The following DNAJB12 variants were observed in gnomAD, a reference collection of about 807,000 sequenced individuals.
DNAJB12 encodes the protein dnaJ homolog subfamily B member 12.
DNAJB12 carries 14 observed loss-of-function variants against 40.6 expected under a neutral mutation model. The ratio of observed to expected loss-of-function variants is 0.34; its 90% CI spans 0.23 to 0.54. The LOEUF is 0.54. DNAJB12 is among the 20% of genes least tolerant of loss of function. The pLI is 0.92. For synonymous variants in DNAJB12, 181 were observed against 199.5 expected, an observed-to-expected ratio of 0.91 and a Z score of 0.78; for missense variants, 444 against 501.7, an observed-to-expected ratio of 0.89 and a Z score of 1.10.
chr10:72,350,972 TCCTGTGGGCTGG>T (rs1239178121), intron 1 of DNAJB12, among the ~76,000 whole-genome samples: 1 of 152,136 alleles, frequency 6.6e-6, no homozygotes, highest in African/African-American at 2.4e-5. Flanking sequence ...CGTCTCCTTT[TCCTGTGGGCTGG>T]CCTTCCCAGC....
At chr10:72,336,924 C>T (rs751981544) in intron 6 of DNAJB12, 72 of 429,854 alleles carry the variant, frequency 1.7e-4, no homozygotes, top group Non-Finnish European at 2.4e-4. Flanking sequence ...TAGATCCCTG[C>T]TTACCACACT....
At position 72,346,124 on chromosome 10, in the gene DNAJB12, T is replaced by A. The variant is rs188478812; in HGVS notation, c.134-997A>T. ...TCTTCCAAAAGCACACTTGGTTTTA[T>A]TAATAAACCCTATAGTACTTTATTT... On this transcript the variant is annotated intron_variant, in intron 1 of 8. Transcript: ENST00000444643. Among the ~76,000 whole-genome samples the A allele has an allele frequency of 5.1e-3, 782 of 152,312 alleles. 6 individuals carry two copies. The highest frequency in any genetic ancestry group is 0.017 in the African/African-American group (711 of 41,574).
At chr10:72,354,444 AGT>A in intron 1 of DNAJB12, 4 of 318,946 alleles carry the variant, frequency 1.3e-5, no homozygotes, top group South Asian at 1.1e-4. Context: ...CCTTGGGAAA[AGT>A]AGTTCGAGTT....
At chr10:72,346,890 G>T (rs543154038) in intron 1 of DNAJB12, among the ~76,000 whole-genome samples, 1 of 151,360 alleles carries the variant, frequency 6.6e-6, no homozygotes, top group Non-Finnish European at 1.5e-5. Flanking sequence ...CTGCAAATAT[G>T]TTTGCATTGC....
intron 1 of DNAJB12, among the ~76,000 whole-genome samples, chr10:72,349,373 A>G (rs1487032327): frequency 6.6e-6 from 1 of 152,150 alleles, no homozygotes; most frequent in Non-Finnish European, 1.5e-5. Flanking sequence ...TCCAAGGCTC[A>G]GGAAGGCAAA....
rs1424341700 is a variant in DNAJB12 at position 72,332,922 on chromosome 10, GTT to G, written c.*1724_*1725del. The G allele has an allele frequency of 6.6e-6, 1 of 152,638 alleles. No homozygotes were observed. The highest frequency in any genetic ancestry group is 1.5e-5 in the Non-Finnish European group (1 of 68,042). The allele number at this position is 152,638 out of a possible 1,614,324, so 9.5% of individuals were successfully genotyped here. ...TTCCAGAGGATCCTTTAGGATCTATGTTCTTATTGCACATGGCTCAGCCCGTC... is the reference window on the plus strand; with the variant it reads ...TTCCAGAGGATCCTTTAGGATCTATGCTTATTGCACATGGCTCAGCCCGTC... On this transcript the variant is annotated 3_prime_UTR_variant, in exon 9 of 9. Transcript: ENST00000444643.
chr10:72,351,718 C>T (rs992404998), intron 1 of DNAJB12, among the ~76,000 whole-genome samples: 8 of 152,244 alleles, frequency 5.3e-5, no homozygotes, highest in African/African-American at 1.9e-4. Flanking sequence ...GCAACTTTCT[C>T]TCCATGGTCT....
chr10:72,343,586 G>A (rs1379342091), intron 2 of DNAJB12, 75 bp from the exon 3 acceptor site: 2 of 1,532,676 alleles, frequency 1.3e-6, no homozygotes, highest in East Asian at 4.5e-5. Flanking sequence ...CAGGCCGTGT[G>A]GGGCGCACAG....
At chr10:72,338,354 G>A in intron 5 of DNAJB12, 43 bp from the exon 6 acceptor site, 1 of 1,568,904 alleles carries the variant, frequency 6.4e-7, no homozygotes, top group Non-Finnish European at 8.8e-7. Flanking sequence ...CCTGGGTGGG[G>A]TGTGGTGTCA....
chr10:72,354,880 A>C lies in DNAJB12; in HGVS notation c.18T>G (p.Asp6Glu), dbSNP rs748223059. 6.2e-7 allele frequency: 1 copy of C among 1,614,058 alleles called. No individual in the cohort carries two copies. Among genetic ancestry groups the C allele is most frequent in the Non-Finnish European group, 8.5e-7 (1 of 1,179,940 alleles). The change falls in exon 1 of 9, where the codon GAT (aspartate) becomes GAG (glutamate). Residue 6 changes from aspartate (D) to glutamate (E), a missense_variant. By Grantham distance (45) the Asp-to-Glu change is conservative. Transcript: ENST00000444643. Reference sequence around the variant, plus strand: ...CGATGCTGATACAGCGCTCAGCTTCATCCTTGTTGGATTCCATGGCGGAAC... The same window carrying C: ...CGATGCTGATACAGCGCTCAGCTTCCTCCTTGTTGGATTCCATGGCGGAAC... The part of the protein sequence containing the change: MESNK[D>E]EAERCISIAL...
Position 72,333,757 on chromosome 10 carries a change from A to G in DNAJB12, c.*891T>C, listed in dbSNP as rs543620652. The G allele has an allele frequency of 1.3e-5, 2 of 152,794 alleles. No individual in the cohort carries two copies. Among genetic ancestry groups the G allele is most frequent in the African/African-American group, 4.8e-5 (2 of 41,564 alleles). The allele number at this position is 152,794 out of a possible 1,614,324, so 9.5% of individuals were successfully genotyped here. ...TCCTGGGCACCAGGACAAAGAGCCCACCAGCGCTGCTGAGAGGGGAGAGGT... is the reference window on the plus strand; with the variant it reads ...TCCTGGGCACCAGGACAAAGAGCCCGCCAGCGCTGCTGAGAGGGGAGAGGT... On this transcript the variant is annotated 3_prime_UTR_variant, in exon 9 of 9. Coordinates refer to ENST00000444643, the MANE Select transcript of DNAJB12 (RefSeq NM_017626.7).
Position 72,335,608 on chromosome 10 carries a change from T to C in DNAJB12, c.*30+172A>G. 1 of 1,392,890 alleles carries C rather than the reference T, an allele frequency of 7.2e-7. No individual in the cohort carries two copies. Among genetic ancestry groups the C allele is most frequent in the Non-Finnish European group, 9.3e-7 (1 of 1,073,616 alleles). The allele number at this position is 1,392,890 out of a possible 1,614,324, so 86.3% of individuals were successfully genotyped here. A position where few individuals can be genotyped will look rare whatever the true frequency, so the allele number is the denominator to read the frequency against. On this transcript the variant is annotated intron_variant, in intron 8 of 8. Coordinates refer to ENST00000444643, the MANE Select transcript of DNAJB12 (RefSeq NM_017626.7). The surrounding 1 kb of genome is among the most constrained non-coding windows in gnomAD (Gnocchi z 4.4). ...GCTAGAGGGCGGAAACCGACCTTGG[T>C]TTCCCAGCAGGCCCCACAGCTGCTC...
intron 1 of DNAJB12, among the ~76,000 whole-genome samples, chr10:72,347,633 C>T (rs1163605022): frequency 6.6e-6 from 1 of 152,136 alleles, no homozygotes; most frequent in African/African-American, 2.4e-5. Context: ...AAACCAAGCC[C>T]GGCTGGGCGC....
chr10:72,354,195 G>A, intron 1 of DNAJB12: 1 of 153,054 alleles, frequency 6.5e-6, no homozygotes, highest in Non-Finnish European at 1.5e-5. Flanking sequence ...CTTCAGGACA[G>A]TCCGAGGCGG....
chr10:72,351,529 A>T (rs984686428), intron 1 of DNAJB12, among the ~76,000 whole-genome samples: 1 of 151,972 alleles, frequency 6.6e-6, no homozygotes, highest in Non-Finnish European at 1.5e-5. Flanking sequence ...TCCTTTTCCC[A>T]TGCAGTGCCT....
chr10:72,341,068 T>C lies in DNAJB12; in HGVS notation c.560A>G (p.His187Arg), dbSNP rs753403780. ...KSQAARHGHG[H>R]GDFHRGFEAD... ...CTCAAAGCCACGGTGGAAATCCCCA[T>C]GCCCATGGCCGTGCCGGGCCGCCTG... The change falls in exon 4 of 9, where the codon CAT becomes CGT. Residue 187 changes from histidine to arginine, a missense_variant. Coordinates refer to ENST00000444643, the MANE Select transcript of DNAJB12 (RefSeq NM_017626.7). 1.9e-6 allele frequency: 3 copies of C among 1,614,172 alleles called. No individual in the cohort carries two copies. Among genetic ancestry groups the C allele is most frequent in the Admixed American group, 1.7e-5 (1 of 60,014 alleles).
At position 72,354,862 on chromosome 10, in the gene DNAJB12, GATACAGCGCTCAGCTTC is replaced by G; in HGVS notation, c.19_35del (p.Glu7GlnfsTer36). 1 of 1,614,142 alleles carries G rather than the reference GATACAGCGCTCAGCTTC, an allele frequency of 6.2e-7. No individual in the cohort carries two copies. The highest frequency in any genetic ancestry group is 8.5e-7 in the Non-Finnish European group (1 of 1,179,960). On this transcript the variant is annotated frameshift_variant, in exon 1 of 9. Transcript: ENST00000444643. LOFTEE classifies it high-confidence loss of function. ...TCTGGATGGCCTTGAGGGCGATGCT[GATACAGCGCTCAGCTTC>G]ATCCTTGTTGGATTCCATGGCGGAA...
At chr10:72,347,939 G>A (rs1272276260) in intron 1 of DNAJB12, among the ~76,000 whole-genome samples, 4 of 149,378 alleles carry the variant, frequency 2.7e-5, no homozygotes, top group African/African-American at 4.9e-5. Flanking sequence ...AAACAACCAA[G>A]CCCACCAGGC....
At chr10:72,334,934 G>A in intron 8 of DNAJB12, 2 of 1,210,226 alleles carry the variant, frequency 1.7e-6, no homozygotes, top group East Asian at 8.1e-5. Context: ...GCCACCTCTG[G>A]CAAACGCTGG....
Sources: allele counts gnomAD v4.1 joint callset (sites outside exome capture counted in the v4.1 genomes callset), GRCh38; gene constraint gnomAD v4.1.1; non-coding constraint Gnocchi (gnomAD v3.1); transcripts MANE v1.5; gene names NCBI Gene and HGNC (gene_info 2026-07-23, HGNC 2026-07-21).